Variants in DTD1 observed in about 807,000 individuals in gnomAD.
The protein encoded by DTD1 is D-tyrosyl-tRNA deacylase 1 homolog.
Under a neutral mutation model 25.6 loss-of-function variants are expected in DTD1, and 13 were observed. That is an observed-to-expected ratio of 0.51 (90% CI 0.33 to 0.81). The LOEUF is 0.81. Ranked by LOEUF, DTD1 falls within the 30% of genes least tolerant of loss-of-function variation. DTD1 has a pLI of 0.02. For missense variants in DTD1, 193 were observed against 266.4 expected (o/e 0.72, Z 1.92); for synonymous variants, 110 against 103.6 (o/e 1.06, Z -0.37).
chr20:18,759,303 C>T (rs1256895742), intron 5 of DTD1, among the ~76,000 whole-genome samples: 6 of 152,112 alleles, frequency 3.9e-5, no homozygotes, highest in African/African-American at 7.2e-5. Flanking sequence ...TTATTTTGCT[C>T]GTTAGTTGAT....
At chr20:18,658,189 A>ATGTGTG (rs60197503) in intron 4 of DTD1, among the ~76,000 whole-genome samples, 11,856 of 146,144 alleles carry the variant, frequency 0.081, 575 homozygotes, top group Non-Finnish European at 0.11. Context: ...AGAGTCTGAG[A>ATGTGTG]TGTGTGTGTG....
chr20:18,661,804 C>T (rs60209577), intron 4 of DTD1, among the ~76,000 whole-genome samples: 5 of 152,254 alleles, frequency 3.3e-5, no homozygotes, highest in African/African-American at 7.2e-5. Flanking sequence ...CCATAGGAAA[C>T]GGAGAAAAGG....
chr20:18,601,601 A>G (rs1425339454), intron 3 of DTD1, among the ~76,000 whole-genome samples: 5 of 151,738 alleles, frequency 3.3e-5, no homozygotes, highest in African/African-American at 9.7e-5. Flanking sequence ...TGCCTCCTCA[A>G]GTGGGTCCCT....
chr20:18,694,977 C>T (rs543294071), intron 4 of DTD1, among the ~76,000 whole-genome samples: 3 of 152,098 alleles, frequency 2.0e-5, no homozygotes, highest in East Asian at 1.9e-4. Context: ...TAAAAACGCC[C>T]GACGTATAGT....
chr20:18,748,313 A>G (rs1258986667), intron 5 of DTD1, among the ~76,000 whole-genome samples: 3 of 152,224 alleles, frequency 2.0e-5, no homozygotes, highest in Admixed American at 6.5e-5. Context: ...TACATTTTAT[A>G]AATTTAATGT....
chr20:18,723,255 G>A (rs1174723432), intron 4 of DTD1, among the ~76,000 whole-genome samples: 1 of 152,198 alleles, frequency 6.6e-6, no homozygotes. Context: ...TGTCTAGAGG[G>A]GCAGGGGAAG....
rs566655016 is a variant in DTD1, at chr20:18,595,808, G to C, written c.135-198G>C. On this transcript the variant is annotated intron_variant, in intron 2 of 5. Coordinates refer to ENST00000377452, the MANE Select transcript of DTD1 (RefSeq NM_080820.6). ...CAAAACAACCGTGTGAGGTAGAACT[G>C]TTATTATTCTGTATCGCAGCTGAGG... 1.1e-4 allele frequency among the ~76,000 whole-genome samples: 16 copies of C among 152,326 alleles called. No individual in the cohort carries two copies. The South Asian group carries it at 1.7e-3, about 16-fold the overall frequency.
intron 1 of DTD1, among the ~76,000 whole-genome samples, chr20:18,593,015 C>T (rs1369371458): frequency 1.3e-5 from 2 of 151,954 alleles, no homozygotes; most frequent in Non-Finnish European, 2.9e-5. Context: ...TTTGAGGTAT[C>T]GTCTAGTGGT....
chr20:18,673,050 G>A lies in DTD1; in HGVS notation c.477+44817G>A, dbSNP rs181321099. Among the ~76,000 whole-genome samples, 10 of 152,282 alleles carry A rather than the reference G, an allele frequency of 6.6e-5. No individual in the cohort carries two copies. The East Asian group carries it at 7.7e-4, about 12-fold the overall frequency. ...AACAAGCGCTCAGTAACTGTTTATC[G>A]AATTAGTGAATTGCAGAAAGAGTTA... On this transcript the variant is annotated intron_variant, in intron 4 of 5. Coordinates refer to ENST00000377452, the MANE Select transcript of DTD1 (RefSeq NM_080820.6).
At chr20:18,620,881 C>T (rs1031341409) in intron 3 of DTD1, among the ~76,000 whole-genome samples, 6 of 152,270 alleles carry the variant, frequency 3.9e-5, no homozygotes, top group South Asian at 4.1e-4. Context: ...AGGTGCATAC[C>T]GCCTTGCCTG....
chr20:18,590,329 G>A (rs1468923136), intron 1 of DTD1, among the ~76,000 whole-genome samples: 1 of 152,056 alleles, frequency 6.6e-6, no homozygotes, highest in African/African-American at 2.4e-5. Flanking sequence ...GGCGTGTGCC[G>A]CCACCGCTAT....
At chr20:18,645,820 A>G (rs1054612644) in intron 4 of DTD1, among the ~76,000 whole-genome samples, 2 of 152,200 alleles carry the variant, frequency 1.3e-5, no homozygotes, top group Non-Finnish European at 2.9e-5. Flanking sequence ...TTCCTTTTTC[A>G]TAGTGTTTTA....
chr20:18,708,253 T>TTTATATATATATA (rs1568676784), intron 4 of DTD1, among the ~76,000 whole-genome samples: 14 of 13,162 alleles, frequency 1.1e-3, no homozygotes, highest in African/African-American at 4.0e-3. Context: ...TAATATATAT[T>TTTATATATATATA]ATATATATAT....
At chr20:18,675,946 A>C (rs1484363475) in intron 4 of DTD1, among the ~76,000 whole-genome samples, 1 of 151,818 alleles carries the variant, frequency 6.6e-6, no homozygotes, top group African/African-American at 2.4e-5. Context: ...TATTGTGAAT[A>C]TTGGTATGTT....
At chr20:18,682,043 C>T (rs950162466) in intron 4 of DTD1, among the ~76,000 whole-genome samples, 12 of 152,170 alleles carry the variant, frequency 7.9e-5, no homozygotes, top group African/African-American at 2.7e-4. Context: ...TACCTGCCCA[C>T]AGGCGTTAAC....
chr20:18,736,518 A>T (rs1053321664), intron 4 of DTD1, among the ~76,000 whole-genome samples: 1 of 152,182 alleles, frequency 6.6e-6, no homozygotes, highest in Non-Finnish European at 1.5e-5. Flanking sequence ...GAGTGATGCT[A>T]TGTGTGTGAA....
At chr20:18,630,184 G>C (rs1600331093) in intron 4 of DTD1, among the ~76,000 whole-genome samples, 2 of 151,908 alleles carry the variant, frequency 1.3e-5, no homozygotes, top group East Asian at 3.9e-4. Flanking sequence ...GAAATAATTT[G>C]AGACTTACAG....
intron 4 of DTD1, among the ~76,000 whole-genome samples, chr20:18,660,978 A>G (rs1342921843): frequency 6.6e-6 from 1 of 152,130 alleles, no homozygotes; most frequent in Non-Finnish European, 1.5e-5. Context: ...GCTGAGGTTC[A>G]TTTTCTTTGC....
intron 4 of DTD1, among the ~76,000 whole-genome samples, chr20:18,656,432 C>A (rs981376271): frequency 8.5e-5 from 13 of 152,202 alleles, no homozygotes; most frequent in Non-Finnish European, 1.5e-5. Context: ...CATCTGTTGA[C>A]TCAGGAATCC....
Sources: gnomAD v4.1 joint callset for allele counts (sites outside exome capture counted in the v4.1 genomes callset) on GRCh38, gnomAD v4.1.1 for gene constraint, MANE v1.5 for transcripts, NCBI Gene and HGNC (gene_info 2026-07-23, HGNC 2026-07-21) for gene names.